Variants in CACHD1 observed in about 807,000 individuals in gnomAD.
CACHD1 encodes the protein cache domain containing 1, also known as VWFA and cache domain-containing protein 1.
CACHD1 carries 71 observed loss-of-function variants against 138.7 expected under a neutral mutation model. That is an observed-to-expected ratio of 0.51 (90% confidence interval 0.42 to 0.62). CACHD1 has a LOEUF of 0.62. Among genes scored for constraint, CACHD1 ranks in the 20% least tolerant of loss-of-function variants. The probability of loss-of-function intolerance (pLI) is 0.00; values close to 1 mark genes in which losing one functional copy is unlikely to be tolerated. For missense variants in CACHD1, 1,389 were observed against 1,625.3 expected (o/e 0.85, Z 2.50); for synonymous variants, 578 against 591.5 (o/e 0.98, Z 0.33).
At chr1:64,599,713 C>A (rs529020918) in intron 3 of CACHD1, among the ~76,000 whole-genome samples, 15 of 152,262 alleles carry the variant, frequency 9.9e-5, no homozygotes, top group African/African-American at 3.4e-4. Context: ...TTAGAGATTA[C>A]CTTTTCAGCA....
At chr1:64,652,555 T>G (rs1011744065) in intron 10 of CACHD1, among the ~76,000 whole-genome samples, 1 of 152,146 alleles carries the variant, frequency 6.6e-6, no homozygotes, top group Admixed American at 6.5e-5. Context: ...GACTGGAGGA[T>G]TGAATGACAC....
intron 1 of CACHD1, among the ~76,000 whole-genome samples, chr1:64,523,452 G>A (rs1442650873): frequency 6.6e-6 from 1 of 152,188 alleles, no homozygotes; most frequent in Non-Finnish European, 1.5e-5. Flanking sequence ...TTACATAAAA[G>A]TGAGTCTTTC....
At chr1:64,491,633 A>G (rs897299215) in intron 1 of CACHD1, among the ~76,000 whole-genome samples, 1 of 152,146 alleles carries the variant, frequency 6.6e-6, no homozygotes, top group Non-Finnish European at 1.5e-5. Context: ...ATTTGATGTG[A>G]GACTTGGGTG....
At chr1:64,548,629 C>T (rs1035408297) in intron 1 of CACHD1, among the ~76,000 whole-genome samples, 3 of 151,998 alleles carry the variant, frequency 2.0e-5, no homozygotes, top group Non-Finnish European at 4.4e-5. Context: ...TGTAAAACAC[C>T]GGTAGTGGTA....
At chr1:64,578,475 T>G (rs951583751) in intron 2 of CACHD1, among the ~76,000 whole-genome samples, 1 of 152,232 alleles carries the variant, frequency 6.6e-6, no homozygotes, top group Non-Finnish European at 1.5e-5. Flanking sequence ...TCCTGCATTT[T>G]CCAGTTTTCT....
At position 64,654,686 on chromosome 1, in the gene CACHD1, C is replaced by T; in HGVS notation, c.1665C>T (p.Ser555=). The part of the protein sequence containing the change: ...KFELVRQNIL[S]LPLGSQIIAV... ...TATTTAATTCTGTTTGCCAACACAG[C>T]CTCCCTCTGGGCAGCCAGATTATCG... The change falls in exon 12 of 27, where the codon AGC becomes AGT. Residue 555 remains serine, a splice_region_variant and synonymous_variant. Transcript: ENST00000651257. 1.2e-6 allele frequency: 2 copies of T among 1,604,840 alleles called. No homozygotes were observed. Among genetic ancestry groups the T allele is most frequent in the Non-Finnish European group, 1.7e-6 (2 of 1,172,500 alleles).
At position 64,673,246 on chromosome 1, in the gene CACHD1, A is replaced by G; in HGVS notation, c.2599A>G (p.Ile867Val). The change falls in exon 18 of 27, where the codon ATC becomes GTC. Residue 867 changes from isoleucine to valine, a missense_variant. Ile to Val is a conservative substitution (Grantham distance 29). This residue lies in a region of CACHD1 where 1,000 missense variants were observed against 1,114.7 expected (regional missense o/e 0.90). Transcript: ENST00000651257. Reference sequence around the variant, plus strand: ...ACATGCACCTGTGGAGCAGCAGCACATCACCCACAAGGTATTTGTCACAAA... The same window carrying G: ...ACATGCACCTGTGGAGCAGCAGCACGTCACCCACAAGGTATTTGTCACAAA... ...KGHAPVEQQH[I>V]THKEPLVAND... The G allele has an allele frequency of 3.7e-6, 6 of 1,614,114 alleles. No individual in the cohort carries two copies. Among genetic ancestry groups the G allele is most frequent in the Non-Finnish European group, 5.1e-6 (6 of 1,179,990 alleles).
At chr1:64,504,640 T>C (rs1258354033) in intron 1 of CACHD1, among the ~76,000 whole-genome samples, 3 of 152,202 alleles carry the variant, frequency 2.0e-5, no homozygotes, top group Non-Finnish European at 4.4e-5. Flanking sequence ...TTCTACTATA[T>C]TTAGGAAGAA....
chr1:64,689,060 G>A (rs935126104), intron 26 of CACHD1, among the ~76,000 whole-genome samples: 1 of 152,050 alleles, frequency 6.6e-6, no homozygotes, highest in Non-Finnish European at 1.5e-5. Flanking sequence ...GCCCTTTCCT[G>A]TCCAGCCTCT....
intron 1 of CACHD1, among the ~76,000 whole-genome samples, chr1:64,521,878 A>G (rs1416596242): frequency 6.6e-6 from 1 of 151,852 alleles, no homozygotes; most frequent in Non-Finnish European, 1.5e-5. Context: ...GTCTCATCAG[A>G]TATATGATTT....
intron 1 of CACHD1, among the ~76,000 whole-genome samples, chr1:64,502,350 G>T (rs1443394637): frequency 6.6e-6 from 1 of 152,068 alleles, no homozygotes; most frequent in Non-Finnish European, 1.5e-5. Context: ...TTAAACACTG[G>T]TTGAGTTCCC....
chr1:64,561,483 G>C (rs1646838678), intron 2 of CACHD1, among the ~76,000 whole-genome samples: 1 of 152,090 alleles, frequency 6.6e-6, no homozygotes, highest in Admixed American at 6.5e-5. Flanking sequence ...TGAATCTGAA[G>C]TTCCTTTAAT....
chr1:64,519,815 T>C (rs1646485303), intron 1 of CACHD1, among the ~76,000 whole-genome samples: 1 of 152,218 alleles, frequency 6.6e-6, no homozygotes, highest in African/African-American at 2.4e-5. Context: ...CCAGTTCGGT[T>C]ATACACAACT....
intron 17 of CACHD1, 34 bp from the exon 18 acceptor site, chr1:64,673,124 A>G: frequency 2.0e-6 from 3 of 1,487,828 alleles, no homozygotes; most frequent in Admixed American, 1.9e-5. Context: ...AAAACAGCTG[A>G]TATGAATGAG....
In CACHD1 at chr1:64,619,882, T is replaced by G. The variant is rs149454694; in HGVS notation, c.518-9473T>G. ...AATAACTGTATGGACATAGATAAGTTGCTTCACTTGTCTCAGCTTCAGTTT... is the reference window on the plus strand; with the variant it reads ...AATAACTGTATGGACATAGATAAGTGGCTTCACTTGTCTCAGCTTCAGTTT... On this transcript the variant is annotated intron_variant, in intron 4 of 26. Coordinates refer to ENST00000651257, the MANE Select transcript of CACHD1 (RefSeq NM_020925.4). Among the ~76,000 whole-genome samples, 318 of 152,318 alleles carry G rather than the reference T, an allele frequency of 2.1e-3. 2 individuals carry two copies. Among genetic ancestry groups the G allele is most frequent in the African/African-American group, 7.1e-3 (296 of 41,578 alleles).
At chr1:64,486,387 C>CACACACACAT (rs897449221) in intron 1 of CACHD1, among the ~76,000 whole-genome samples, 3 of 150,890 alleles carry the variant, frequency 2.0e-5, no homozygotes, top group Admixed American at 2.0e-4. Flanking sequence ...CACACACACA[C>CACACACACAT]ACACATACAC....
chr1:64,545,446 T>C lies in CACHD1; in HGVS notation c.199-5148T>C, dbSNP rs1317422830. ...TAGTTTTGCCTGGTTTTGAACTTTA[T>C]GTAAATGGAATTATATACTTTGTAT... On this transcript the variant is annotated intron_variant, in intron 1 of 26. Coordinates refer to ENST00000651257, the MANE Select transcript of CACHD1 (RefSeq NM_020925.4). Among the ~76,000 whole-genome samples, 3 of 152,216 alleles carry C rather than the reference T, an allele frequency of 2.0e-5. No individual in the cohort carries two copies. In the East Asian group the frequency reaches 5.8e-4, roughly 29 times the overall value.
At chr1:64,553,756 A>T (rs1332132017) in intron 2 of CACHD1, among the ~76,000 whole-genome samples, 1 of 152,128 alleles carries the variant, frequency 6.6e-6, no homozygotes, top group Non-Finnish European at 1.5e-5. Context: ...ATTTTTTGTT[A>T]GCAATTCCCT....
At chr1:64,473,872 G>A (rs1328688486) in intron 1 of CACHD1, among the ~76,000 whole-genome samples, 1 of 152,162 alleles carries the variant, frequency 6.6e-6, no homozygotes, top group African/African-American at 2.4e-5. Context: ...AGCACTTACT[G>A]CTTATAAGGA....
Sources: gnomAD v4.1 joint callset for allele counts (sites outside exome capture counted in the v4.1 genomes callset) on GRCh38, gnomAD v4.1.1 for gene constraint, gnomAD v4.1.1 regional missense constraint, MANE v1.5 for transcripts, NCBI Gene and HGNC (gene_info 2026-07-23, HGNC 2026-07-21) for gene names.